Variants in GRHL3 observed in about 807,000 individuals in gnomAD.
The protein encoded by GRHL3 is grainyhead like transcription factor 3, also known as grainyhead-like protein 3 homolog.
Under a neutral mutation model 70.3 loss-of-function variants are expected in GRHL3, and 20 were observed. The ratio of observed to expected loss-of-function variants is 0.28; its 90% CI spans 0.20 to 0.41. GRHL3 has a LOEUF of 0.41. Among genes scored for constraint, GRHL3 ranks in the 10% least tolerant of loss-of-function variants. GRHL3 has a pLI of 1.00. For missense variants in GRHL3, 637 were observed against 762.3 expected (o/e 0.84, Z 1.94); for synonymous variants, 299 against 299.9 (o/e 1.00, Z 0.03).
At chr1:24,360,940 G>A (rs772384019) in intron 15 of GRHL3, 6 of 1,614,076 alleles carry the variant, frequency 3.7e-6, no homozygotes, top group East Asian at 2.2e-5. Flanking sequence ...ATGCTTGCGG[G>A]GGCCTAAGTA....
intron 15 of GRHL3, chr1:24,361,095 C>T: frequency 6.7e-7 from 1 of 1,497,262 alleles, no homozygotes; most frequent in Non-Finnish European, 9.0e-7. Flanking sequence ...GTGGGGAAGG[C>T]ACAGTTTCTA....
intron 1 of GRHL3, chr1:24,323,176 C>T: frequency 9.5e-7 from 1 of 1,048,168 alleles, no homozygotes; most frequent in South Asian, 1.4e-5. Flanking sequence ...CCTTTGGAGT[C>T]GTTAAGGGGA....
Position 24,331,514 on chromosome 1 carries a change from C to A in GRHL3, c.106C>A (p.Leu36Ile). ...TGAGGATGAGGCCTGGAAGACGTAC[C>A]TAGAAAACCCGTTGACAGCTGCCAC... ...TSEDEAWKTY[L>I]ENPLTAATKA... The change falls in exon 2 of 16, where the codon CTA (leucine) becomes ATA (isoleucine). Residue 36 changes from leucine to isoleucine, a missense_variant. Physicochemically the swap from Leu to Ile is conservative, Grantham distance 5. Coordinates refer to ENST00000361548, the MANE Select transcript of GRHL3 (RefSeq NM_198173.3). 6.2e-7 allele frequency: 1 copy of A among 1,614,122 alleles called. No homozygotes were observed. The highest frequency in any genetic ancestry group is 8.5e-7 in the Non-Finnish European group (1 of 1,179,990).
intron 15 of GRHL3, 43 bp downstream of exon 15, chr1:24,350,165 T>G (rs200646597): frequency 6.5e-7 from 1 of 1,546,234 alleles, no homozygotes; most frequent in South Asian, 1.1e-5. Flanking sequence ...TGCTCAGTGC[T>G]GAGCAATGTT....
At chr1:24,346,445 C>G (rs1340083128) in intron 12 of GRHL3, 108 bp from the exon 13 acceptor site, 8 of 698,902 alleles carry the variant, frequency 1.1e-5, no homozygotes, top group Non-Finnish European at 1.8e-5. Context: ...TTGCATCCAC[C>G]CTTGTGTTTT....
In GRHL3 at chr1:24,336,775, C is replaced by CG; in HGVS notation, c.561dup (p.Pro188AlafsTer14). ...TTGTTTGAGAGCATTCATGGGGTGC[C>CG]GCCCACACAGCGCTGGCAGCCAGAC... On this transcript the variant is annotated frameshift_variant, in exon 4 of 16. Coordinates refer to ENST00000361548, the MANE Select transcript of GRHL3 (RefSeq NM_198173.3). LOFTEE classifies it high-confidence loss of function. 6.2e-7 allele frequency: 1 copy of CG among 1,613,104 alleles called. No individual in the cohort carries two copies. The highest frequency in any genetic ancestry group is 8.5e-7 in the Non-Finnish European group (1 of 1,179,498).
Position 24,342,665 on chromosome 1 carries a change from T to C in GRHL3, c.1207-29T>C. On this transcript the variant is annotated intron_variant, in intron 9 of 15. Coordinates refer to ENST00000361548, the MANE Select transcript of GRHL3 (RefSeq NM_198173.3). This position sits in a 1 kb window ranked among gnomAD's most constrained non-coding sequence, Gnocchi z 4.8. ...AAGTAGCTAGCCCCTCCCAGGCCCT[T>C]GGTGACCCTCTCTCCTTCTCCCCTG... 2.5e-6 allele frequency: 4 copies of C among 1,606,358 alleles called. No homozygotes were observed. Among genetic ancestry groups the C allele is most frequent in the Non-Finnish European group, 3.4e-6 (4 of 1,172,932 alleles).
In GRHL3 at chr1:24,354,284, G is replaced by T. The variant is rs1569933076; in HGVS notation, c.1695-90G>T. The stretch of plus-strand genomic sequence containing the variant: ...GCCTAAAATGTGGCAGGTACCCACT[G>T]GGTATGACCCATCACTCATCCTGGT... On this transcript the variant is annotated intron_variant, in intron 15 of 15. Coordinates refer to ENST00000361548, the MANE Select transcript of GRHL3 (RefSeq NM_198173.3). The T allele has an allele frequency of 4.8e-6, 4 of 830,774 alleles. 1 individual carries two copies. The Admixed American group carries it at 8.0e-5, about 17-fold the overall frequency. The allele number at this position is 830,774 out of a possible 1,614,324, so 51.5% of individuals were successfully genotyped here.
intron 1 of GRHL3, among the ~76,000 whole-genome samples, chr1:24,327,710 G>T (rs1639448404): frequency 6.6e-6 from 1 of 152,148 alleles, no homozygotes; most frequent in Non-Finnish European, 1.5e-5. Flanking sequence ...GGAGTCCCCT[G>T]GTTTCCCTTC....
chr1:24,342,919 T>G lies in GRHL3; in HGVS notation c.1313T>G (p.Phe438Cys). 6.2e-7 allele frequency: 1 copy of G among 1,614,152 alleles called. No homozygotes were observed. Among genetic ancestry groups the G allele is most frequent in the Non-Finnish European group, 8.5e-7 (1 of 1,180,028 alleles). ...GTCAAGGGCTGCCTGCTGTCGGGCT[T>G]CAGGGGCAATGAGACGACCTACCTT... ...SGVKGCLLSG[F>C]RGNETTYLRP... Residue 438 changes from phenylalanine (F) to cysteine (C), a missense_variant, in exon 11 of 16, where the codon TTC becomes TGC. Coordinates refer to ENST00000361548, the MANE Select transcript of GRHL3 (RefSeq NM_198173.3). This position sits in a 1 kb window ranked among gnomAD's most constrained non-coding sequence, Gnocchi z 4.8.
chr1:24,322,990 G>A lies in GRHL3; in HGVS notation c.17+3422G>A. On this transcript the variant is annotated intron_variant, in intron 1 of 15. Transcript: ENST00000361548. The surrounding 1 kb of genome is among the most constrained non-coding windows in gnomAD (Gnocchi z 4.4). Reference sequence around the variant, plus strand: ...ATCTTAACCGGGTCTTAGCCGAGCAGCCATAGGCCACCCCGCTTCCTCTGT... The same window carrying A: ...ATCTTAACCGGGTCTTAGCCGAGCAACCATAGGCCACCCCGCTTCCTCTGT... 1 of 1,185,960 alleles carries A rather than the reference G, an allele frequency of 8.4e-7. No homozygotes were observed. The highest frequency in any genetic ancestry group is 1.2e-6 in the Non-Finnish European group (1 of 818,632). 73.5% of individuals were successfully genotyped at this position (1,185,960 alleles called of 1,614,324 possible).
intron 7 of GRHL3, among the ~76,000 whole-genome samples, chr1:24,339,308 C>T (rs1444421213): frequency 1.4e-5 from 2 of 147,390 alleles, no homozygotes; most frequent in African/African-American, 5.1e-5. Flanking sequence ...CAGAGTCTCG[C>T]TCTCTCACCC....
At chr1:24,338,592 A>T (rs1639917965) in intron 7 of GRHL3, among the ~76,000 whole-genome samples, 1 of 152,150 alleles carries the variant, frequency 6.6e-6, no homozygotes, top group South Asian at 2.1e-4. Flanking sequence ...TGGCTGTGTG[A>T]TCTATGTCAC....
At chr1:24,339,994 G>T (rs1639976762) in intron 8 of GRHL3, among the ~76,000 whole-genome samples, 1 of 152,200 alleles carries the variant, frequency 6.6e-6, no homozygotes, top group Admixed American at 6.5e-5. Flanking sequence ...CAGTGCCTTA[G>T]TCCCTCTGAG....
chr1:24,319,750 G>A (rs1002493176), intron 1 of GRHL3, 182 bp downstream of exon 1: 16 of 1,509,648 alleles, frequency 1.1e-5, no homozygotes, highest in Non-Finnish European at 1.4e-5. Context: ...AGCTAGAGGT[G>A]AGTGTTTCCC....
At chr1:24,319,643 C>A in intron 1 of GRHL3, 75 bp downstream of exon 1, 1 of 1,611,584 alleles carries the variant, frequency 6.2e-7, no homozygotes. Context: ...GGGGGAAGAG[C>A]GGGGAGGCCG....
rs12066185 is a variant in GRHL3, at chr1:24,336,457, C to T, written c.267-25C>T. On this transcript the variant is annotated intron_variant, in intron 3 of 15. Transcript: ENST00000361548. ...CCCTTTACCCCCAGAGAGAAGTACA[C>T]TCAGCCCCTTTTCTTTCTCCCCAGG... 6.2e-4 allele frequency: 921 copies of T among 1,492,544 alleles called. 5 individuals carry two copies. The African/African-American group carries it at 0.012, about 19-fold the overall frequency. 92.5% of individuals were successfully genotyped at this position (1,492,544 alleles called of 1,614,324 possible). A position where few individuals can be genotyped will look rare whatever the true frequency, so the allele number is the denominator to read the frequency against.
In GRHL3 at chr1:24,346,537, A is replaced by G; in HGVS notation, c.1455-16A>G. 1 of 1,595,416 alleles carries G rather than the reference A, an allele frequency of 6.3e-7. No individual in the cohort carries two copies. Among genetic ancestry groups the G allele is most frequent in the Admixed American group, 1.7e-5 (1 of 59,808 alleles). The stretch of plus-strand genomic sequence containing the variant: ...CCCCAAGTTTCTCACAAGCTCCCCC[A>G]CTGCCATCCCCACAGGCTGCCTCTG... On this transcript the variant is annotated splice_polypyrimidine_tract_variant and intron_variant, in intron 12 of 15. Coordinates refer to ENST00000361548, the MANE Select transcript of GRHL3 (RefSeq NM_198173.3).
intron 15 of GRHL3, among the ~76,000 whole-genome samples, chr1:24,353,586 G>GTGAA (rs1318213207): frequency 1.4e-4 from 21 of 152,022 alleles, no homozygotes; most frequent in African/African-American, 5.1e-4. Context: ...ATGGTGGATG[G>GTGAA]TGAATGTGTG....
Sources: gnomAD v4.1 joint callset for allele counts (sites outside exome capture counted in the v4.1 genomes callset) on GRCh38, gnomAD v4.1.1 for gene constraint, Gnocchi (gnomAD v3.1) non-coding constraint, MANE v1.5 for transcripts, NCBI Gene and HGNC (gene_info 2026-07-23, HGNC 2026-07-21) for gene names.